IQSEC2: variants seen among roughly 807,000 people sequenced by gnomAD.
IQSEC2 encodes the protein IQ motif and SEC7 domain-containing protein 2.
IQSEC2 carries 6 observed loss-of-function variants against 74.6 expected under a neutral mutation model. The ratio of observed to expected loss-of-function variants is 0.08; its 90% CI spans 0.04 to 0.16. The LOEUF (loss-of-function observed/expected upper bound fraction) is 0.16, where lower values mean the gene tolerates loss of function less well. Among genes scored for constraint, IQSEC2 ranks in the 10% least tolerant of loss-of-function variants. The pLI is 1.00. For synonymous variants in IQSEC2, 494 were observed against 544.5 expected, an observed-to-expected ratio of 0.91 and a Z score of 1.29; for missense variants, 734 against 1,306.2, an observed-to-expected ratio of 0.56 and a Z score of 6.75.
intron 2 of IQSEC2, among the ~76,000 whole-genome samples, chrX:53,279,001 C>G (rs1337085946): frequency 9.0e-6 from 1 of 111,351 alleles, no homozygotes; most frequent in South Asian, 3.8e-4. Flanking sequence ...CATGGTGAAA[C>G]CCCGTCTCTA....
At chrX:53,286,624 G>A (rs1361190863) in intron 2 of IQSEC2, among the ~76,000 whole-genome samples, 5 of 111,471 alleles carry the variant, frequency 4.5e-5, no homozygotes, top group African/African-American at 1.6e-4. Flanking sequence ...AGAGGAAGCT[G>A]GTCCAGAGAG....
At chrX:53,299,372 G>A (rs1556874972) in intron 1 of IQSEC2, among the ~76,000 whole-genome samples, 1 of 112,000 alleles carries the variant, frequency 8.9e-6, no homozygotes, top group African/African-American at 3.2e-5. Flanking sequence ...TCAAATTACT[G>A]GGCTGAAAGG....
At chrX:53,314,201 A>C (rs1336009751) in intron 1 of IQSEC2, among the ~76,000 whole-genome samples, 2 of 111,866 alleles carry the variant, frequency 1.8e-5, no homozygotes, top group Non-Finnish European at 3.8e-5. Flanking sequence ...GGAAGAAAAA[A>C]TTAGGTACCT....
intron 2 of IQSEC2, among the ~76,000 whole-genome samples, chrX:53,256,708 G>GAGGGCAGGGCCAGCAGC (rs2074477596): frequency 1.8e-5 from 2 of 112,692 alleles, no homozygotes; most frequent in Non-Finnish European, 3.8e-5. Flanking sequence ...CCCTGGTTGC[G>GAGGGCAGGGCCAGCAGC]AGGGCAGGGC....
intron 3 of IQSEC2, 148 bp downstream of exon 3, chrX:53,255,652 A>G: frequency 1.5e-6 from 1 of 651,400 alleles, no homozygotes; most frequent in Non-Finnish European, 2.4e-6. Context: ...GTGCATCCCC[A>G]GTGGGGTGAA....
At chrX:53,250,228 G>A in intron 5 of IQSEC2, 51 bp downstream of exon 5, 1 of 1,174,253 alleles carries the variant, frequency 8.5e-7, no homozygotes, top group East Asian at 3.0e-5. Context: ...GAACCCAAGT[G>A]CATGTGGCAG....
intron 8 of IQSEC2, among the ~76,000 whole-genome samples, chrX:53,246,568 T>C (rs1421593097): frequency 9.0e-6 from 1 of 111,723 alleles, no homozygotes; most frequent in African/African-American, 3.3e-5. Flanking sequence ...GATAAATGAA[T>C]GCATGAATAG....
intron 2 of IQSEC2, among the ~76,000 whole-genome samples, chrX:53,280,061 G>C (rs969732275): frequency 9.1e-6 from 1 of 109,941 alleles, no homozygotes; most frequent in Admixed American, 9.6e-5. Flanking sequence ...GAAAGAGCCG[G>C]GCTGGGCCTC....
intron 5 of IQSEC2, among the ~76,000 whole-genome samples, chrX:53,250,000 G>C (rs1384116408): frequency 1.8e-5 from 2 of 111,326 alleles, no homozygotes; most frequent in Non-Finnish European, 3.8e-5. Context: ...AGGGAAGGTG[G>C]GGAGGACAAG....
intron 2 of IQSEC2, among the ~76,000 whole-genome samples, chrX:53,269,485 C>T (rs192974326): frequency 8.1e-5 from 9 of 110,825 alleles, no homozygotes; most frequent in South Asian, 7.8e-4. Flanking sequence ...CTCCCTCCTG[C>T]GTTTTCAACC....
intron 14 of IQSEC2, 122 bp downstream of exon 14, chrX:53,235,661 A>G: frequency 1.4e-6 from 1 of 700,091 alleles, no homozygotes; most frequent in Non-Finnish European, 2.2e-6. Flanking sequence ...GTTGGCTGGG[A>G]GAGGCAGCCG....
At chrX:53,272,328 A>G (rs1455037866) in intron 2 of IQSEC2, among the ~76,000 whole-genome samples, 2 of 111,515 alleles carry the variant, frequency 1.8e-5, no homozygotes, top group Non-Finnish European at 3.8e-5. Context: ...ATCTACTGAA[A>G]TCAACACTAA....
At chrX:53,317,808 C>T (rs2075392953) in intron 1 of IQSEC2, among the ~76,000 whole-genome samples, 1 of 112,645 alleles carries the variant, frequency 8.9e-6, no homozygotes, top group African/African-American at 3.2e-5. Flanking sequence ...CAGAACAGAC[C>T]TAGCAGGGGA....
At chrX:53,277,272 C>T (rs782219967) in intron 2 of IQSEC2, among the ~76,000 whole-genome samples, 147 of 109,387 alleles carry the variant, frequency 1.3e-3, no homozygotes, top group African/African-American at 4.7e-3. Flanking sequence ...AGTGCAGGGG[C>T]GCAATCTCGG....
chrX:53,304,657 A>AGGC (rs2075242929), intron 1 of IQSEC2, among the ~76,000 whole-genome samples: 1 of 112,073 alleles, frequency 8.9e-6, no homozygotes, highest in South Asian at 3.7e-4. Flanking sequence ...GATTACAACC[A>AGGC]AGAGAGCCTT....
chrX:53,316,516 A>G (rs2075373140), intron 1 of IQSEC2, among the ~76,000 whole-genome samples: 1 of 110,547 alleles, frequency 9.0e-6, no homozygotes, highest in Non-Finnish European at 1.9e-5. Flanking sequence ...CATGTGGTAG[A>G]CCATACACTG....
intron 1 of IQSEC2, among the ~76,000 whole-genome samples, chrX:53,294,964 A>G (rs1481343147): frequency 9.0e-6 from 1 of 111,693 alleles, no homozygotes; most frequent in East Asian, 2.8e-4. Flanking sequence ...CTGGGATTAC[A>G]GGTGCCCACC....
At chrX:53,236,611 T>C in intron 12 of IQSEC2, 116 bp from the exon 13 acceptor site, 1 of 863,381 alleles carries the variant, frequency 1.2e-6, no homozygotes, top group Non-Finnish European at 1.7e-6. Flanking sequence ...TCCCTCCCTC[T>C]GTCCCCAGGC....
rs782689563 is a variant in IQSEC2, at chrX:53,289,465, AC to A, written c.737+2429del. Among the ~76,000 whole-genome samples, 12 of 108,163 alleles carry A rather than the reference AC, an allele frequency of 1.1e-4. No individual in the cohort carries two copies. The East Asian group carries it at 2.9e-3, about 26-fold the overall frequency. The allele number at this position is 108,163 out of a possible 115,157, so 93.9% of individuals were successfully genotyped here. On this transcript the variant is annotated intron_variant, in intron 2 of 14. Coordinates refer to ENST00000642864, the MANE Select transcript of IQSEC2 (RefSeq NM_001111125.3). ...CGGATGGCTCCCTGTCTCTAAACCC[AC>A]CCCCCTCGCTTCCCTCCACAAGCTG...
Sources: gnomAD v4.1 joint callset for allele counts (sites outside exome capture counted in the v4.1 genomes callset) on GRCh38, gnomAD v4.1.1 for gene constraint, MANE v1.5 for transcripts, NCBI Gene and HGNC (gene_info 2026-07-23, HGNC 2026-07-21) for gene names.